CFAP299: variants seen among roughly 807,000 people sequenced by gnomAD.
The protein encoded by CFAP299 is cilia- and flagella-associated protein 299.
Under a neutral mutation model 27.0 loss-of-function variants are expected in CFAP299, and 21 were observed. That is an observed-to-expected ratio of 0.78 (90% confidence interval 0.55 to 1.12). The LOEUF is 1.12. Ranked by LOEUF, CFAP299 falls within the 50% of genes most tolerant of loss-of-function variation. The pLI is 0.00. For missense variants in CFAP299, 310 were observed against 276.6 expected, an observed-to-expected ratio of 1.12 and a Z score of -0.86; for synonymous variants, 104 against 98.1, an observed-to-expected ratio of 1.06 and a Z score of -0.36.
intron 3 of CFAP299, among the ~76,000 whole-genome samples, chr4:80,592,861 T>G (rs1736854259): frequency 6.6e-6 from 1 of 152,238 alleles, no homozygotes; most frequent in Admixed American, 6.5e-5. Context: ...TTTAATACTT[T>G]AAGAGTTTGG....
At chr4:80,537,997 A>C (rs752645316) in intron 2 of CFAP299, among the ~76,000 whole-genome samples, 1 of 152,188 alleles carries the variant, frequency 6.6e-6, no homozygotes, top group Non-Finnish European at 1.5e-5. Flanking sequence ...TGAAGACTGC[A>C]GTCATGTGCC....
Position 80,693,085 on chromosome 4 carries a change from T to G in CFAP299, c.333+109902T>G, listed in dbSNP as rs1449130184. Among the ~76,000 whole-genome samples the G allele has an allele frequency of 2.6e-5, 4 of 152,280 alleles. No individual in the cohort carries two copies. In the South Asian group the frequency reaches 6.2e-4, roughly 24 times the overall value. ...AGGATGTGGAAAATAGGAACACTTTTACACTGTTGGTGGGACTGTAAACTA... is the reference window on the plus strand; with the variant it reads ...AGGATGTGGAAAATAGGAACACTTTGACACTGTTGGTGGGACTGTAAACTA... On this transcript the variant is annotated intron_variant, in intron 3 of 5. Coordinates refer to ENST00000358105, the MANE Select transcript of CFAP299 (RefSeq NM_152770.3).
chr4:80,730,067 A>C (rs957074639), intron 3 of CFAP299, among the ~76,000 whole-genome samples: 8 of 151,834 alleles, frequency 5.3e-5, no homozygotes, highest in Non-Finnish European at 1.2e-4. Flanking sequence ...CCATTCAGAC[A>C]TTTGCCTGAA....
chr4:80,658,746 G>A lies in CFAP299; in HGVS notation c.333+75563G>A, dbSNP rs1279815331. Among the ~76,000 whole-genome samples the A allele has an allele frequency of 2.0e-5, 3 of 151,976 alleles. No homozygotes were observed. In the East Asian group the frequency reaches 5.8e-4, roughly 29 times the overall value. On this transcript the variant is annotated intron_variant, in intron 3 of 5. Transcript: ENST00000358105. ...GTGCTTATCATAACCATATCAATAG[G>A]GAAGTGTGAAAGACCTTGAAACTGT...
At chr4:80,424,639 GCTGAGA>G (rs2110072883) in intron 2 of CFAP299, among the ~76,000 whole-genome samples, 1 of 152,226 alleles carries the variant, frequency 6.6e-6, no homozygotes, top group South Asian at 2.1e-4. Flanking sequence ...CCTTTTTCTT[GCTGAGA>G]GTGATAGGAA....
intron 3 of CFAP299, among the ~76,000 whole-genome samples, chr4:80,765,664 G>A (rs1725822066): frequency 1.3e-5 from 2 of 151,816 alleles, no homozygotes; most frequent in African/African-American, 4.8e-5. Context: ...TGCACAACAT[G>A]CAGGTTTGTT....
intron 3 of CFAP299, among the ~76,000 whole-genome samples, chr4:80,843,202 G>T (rs896696211): frequency 3.3e-5 from 5 of 151,886 alleles, no homozygotes; most frequent in African/African-American, 1.2e-4. Flanking sequence ...TTTACATTAG[G>T]TATATCTCCT....
intron 3 of CFAP299, among the ~76,000 whole-genome samples, chr4:80,706,804 C>T (rs1218073503): frequency 6.6e-6 from 1 of 151,878 alleles, no homozygotes; most frequent in African/African-American, 2.4e-5. Flanking sequence ...ATTAGATATA[C>T]ATATGGGCTC....
chr4:80,858,541 C>T (rs931074978), intron 3 of CFAP299, among the ~76,000 whole-genome samples: 5 of 152,008 alleles, frequency 3.3e-5, no homozygotes, highest in African/African-American at 4.8e-5. Context: ...CTCCTGTGGG[C>T]ATGTAGTGCT....
chr4:80,328,631 T>C, the CFAP299 span, among the ~76,000 whole-genome samples: 4 of 152,022 alleles, frequency 2.6e-5, no homozygotes, highest in Admixed American at 1.3e-4. Context: ...ACTAAGACAG[T>C]ATGTTGGTAT....
chr4:80,744,409 G>A (rs1312507838), intron 3 of CFAP299, among the ~76,000 whole-genome samples: 1 of 151,654 alleles, frequency 6.6e-6, no homozygotes, highest in African/African-American at 2.4e-5. Flanking sequence ...AAAAAAGGTG[G>A]GGGTGGGAGG....
chr4:80,671,510 G>GT (rs1298747247), intron 3 of CFAP299, among the ~76,000 whole-genome samples: 1 of 152,094 alleles, frequency 6.6e-6, no homozygotes, highest in Non-Finnish European at 1.5e-5. Context: ...CTTTAAAGTA[G>GT]TTTTTTTCCA....
chr4:80,715,601 C>T (rs1302382689), intron 3 of CFAP299, among the ~76,000 whole-genome samples: 1 of 152,070 alleles, frequency 6.6e-6, no homozygotes, highest in African/African-American at 2.4e-5. Context: ...AATTTACCAT[C>T]AAATTAGTTA....
At chr4:80,906,582 A>G (rs1389574667) in intron 4 of CFAP299, among the ~76,000 whole-genome samples, 4 of 152,154 alleles carry the variant, frequency 2.6e-5, no homozygotes, top group Admixed American at 2.0e-4. Context: ...AGGTATTTCA[A>G]TATGTCCTCT....
At chr4:80,335,717 A>G (rs551959476), upstream of CFAP299, 17 of 1,082,888 alleles carry the variant, frequency 1.6e-5, no homozygotes, top group Admixed American at 5.1e-5. Context: ...GAGCCTCCTG[A>G]CCCTGCCCTC....
intron 3 of CFAP299, among the ~76,000 whole-genome samples, chr4:80,595,810 T>C (rs547036258): frequency 2.6e-5 from 4 of 152,192 alleles, no homozygotes; most frequent in Non-Finnish European, 5.9e-5. Context: ...TGGACATATT[T>C]TCTGGTGTGT....
At chr4:80,388,554 A>T in intron 2 of CFAP299, 3 of 1,436,970 alleles carry the variant, frequency 2.1e-6, no homozygotes, top group Non-Finnish European at 2.9e-6. Flanking sequence ...CACTTCCCAC[A>T]GAGAAAGACA....
At chr4:80,344,533 G>T (rs1275019823) in intron 1 of CFAP299, among the ~76,000 whole-genome samples, 3 of 152,040 alleles carry the variant, frequency 2.0e-5, no homozygotes, top group Non-Finnish European at 2.9e-5. Flanking sequence ...AAAAGCCCAA[G>T]ACCAGATGTA....
chr4:80,352,454 C>A (rs1294481918), intron 1 of CFAP299, among the ~76,000 whole-genome samples: 1 of 152,112 alleles, frequency 6.6e-6, no homozygotes, highest in African/African-American at 2.4e-5. Context: ...GTAATCCCAG[C>A]TACTTGGGAG....
Sources: gnomAD v4.1 joint callset for allele counts (sites outside exome capture counted in the v4.1 genomes callset) on GRCh38, gnomAD v4.1.1 for gene constraint, MANE v1.5 for transcripts, NCBI Gene and HGNC (gene_info 2026-07-23, HGNC 2026-07-21) for gene names.